The following SPMAP2L variants were observed in gnomAD, a reference collection of about 807,000 sequenced individuals.
SPMAP2L encodes the protein sperm microtubule associated protein 2-like.
the SPMAP2L span, chr4:56,593,304 G>A: frequency 8.5e-7 from 1 of 1,177,144 alleles, no homozygotes; most frequent in Non-Finnish European, 1.3e-6. Flanking sequence ...ACAAGAGGAG[G>A]AAATTTTTTG....
At chr4:56,578,490 G>A in the SPMAP2L span, among the ~76,000 whole-genome samples, 1 of 151,980 alleles carries the variant, frequency 6.6e-6, no homozygotes, top group South Asian at 2.1e-4. Flanking sequence ...TACCTTATCG[G>A]TAATTACATT....
At chr4:56,593,060 G>A in the SPMAP2L span, 1 of 1,585,644 alleles carries the variant, frequency 6.3e-7, no homozygotes, top group Non-Finnish European at 8.7e-7. Flanking sequence ...ATCCTATATT[G>A]GCATGGGCTA....
At chr4:56,589,501 T>G in the SPMAP2L span, among the ~76,000 whole-genome samples, 9 of 152,192 alleles carry the variant, frequency 5.9e-5, no homozygotes, top group African/African-American at 2.2e-4. Context: ...GGGATTGCAC[T>G]GAATTTGTAG....
chr4:56,618,836 G>A, the SPMAP2L span, among the ~76,000 whole-genome samples: 5,135 of 152,214 alleles, frequency 0.034, 244 homozygotes, highest in African/African-American at 0.11. Context: ...TGCCAGCCGG[G>A]GTGTTTGAAA....
the SPMAP2L span, among the ~76,000 whole-genome samples, chr4:56,624,359 G>A: frequency 6.6e-6 from 1 of 152,220 alleles, no homozygotes; most frequent in Admixed American, 6.5e-5. Context: ...CTATGATGCA[G>A]TAGAAAAGAA....
chr4:56,601,720 G>A, the SPMAP2L span, among the ~76,000 whole-genome samples: 2 of 150,968 alleles, frequency 1.3e-5, no homozygotes, highest in Admixed American at 6.6e-5. Flanking sequence ...GCTATGATCT[G>A]CACTCCAGCC....
chr4:56,536,645 G>A, the SPMAP2L span, among the ~76,000 whole-genome samples: 1 of 152,116 alleles, frequency 6.6e-6, no homozygotes, highest in Non-Finnish European at 1.5e-5. Context: ...CTTCTCTATC[G>A]TTAGCATTGT....
At chr4:56,566,145 C>G in the SPMAP2L span, among the ~76,000 whole-genome samples, 1 of 152,020 alleles carries the variant, frequency 6.6e-6, no homozygotes, top group African/African-American at 2.4e-5. Flanking sequence ...TCTGTTTATT[C>G]CATCTTTTTT....
chr4:56,625,679 T>G, the SPMAP2L span, among the ~76,000 whole-genome samples: 2 of 152,110 alleles, frequency 1.3e-5, no homozygotes, highest in Non-Finnish European at 2.9e-5. Context: ...ATGTAAGAAG[T>G]GCCTTTCACC....
the SPMAP2L span, among the ~76,000 whole-genome samples, chr4:56,588,694 GTGCTGGGATTACAGGCGT>G: frequency 6.6e-6 from 1 of 152,174 alleles, no homozygotes; most frequent in Non-Finnish European, 1.5e-5. Context: ...GCATCCCAAA[GTGCTGGGATTACAGGCGT>G]TAGCCACTGT....
chr4:56,611,080 A>G, the SPMAP2L span, among the ~76,000 whole-genome samples: 1 of 152,206 alleles, frequency 6.6e-6, no homozygotes, highest in African/African-American at 2.4e-5. Context: ...TGATCCAGCA[A>G]TCCCACTACT....
chr4:56,547,893 TCTGTTTTGGACATTTCAGGATTAC>T, the SPMAP2L span, among the ~76,000 whole-genome samples: 10 of 152,196 alleles, frequency 6.6e-5, no homozygotes, highest in Non-Finnish European at 1.5e-4. Context: ...AACCATTTCT[TCTGTTTTGGACATTTCAGGATTAC>T]CTAATTTCCC....
At chr4:56,555,663 G>A in the SPMAP2L span, among the ~76,000 whole-genome samples, 1 of 151,822 alleles carries the variant, frequency 6.6e-6, no homozygotes, top group Non-Finnish European at 1.5e-5. Context: ...TCCTCATATA[G>A]ATCTTTTATG....
At chr4:56,559,514 C>G in the SPMAP2L span, 2 of 1,513,390 alleles carry the variant, frequency 1.3e-6, no homozygotes, top group Non-Finnish European at 1.8e-6. Flanking sequence ...CACTATGTAC[C>G]TAACAGGTTA....
chr4:56,592,131 C>T, the SPMAP2L span, among the ~76,000 whole-genome samples: 1 of 152,160 alleles, frequency 6.6e-6, no homozygotes, highest in Non-Finnish European at 1.5e-5. Flanking sequence ...CTCATAGGAG[C>T]GTGAACCCTA....
the SPMAP2L span, among the ~76,000 whole-genome samples, chr4:56,585,013 A>C: frequency 6.6e-6 from 1 of 152,084 alleles, no homozygotes; most frequent in South Asian, 2.1e-4. Context: ...GGAGGGTCTA[A>C]CCTCTTCCGA....
the SPMAP2L span, among the ~76,000 whole-genome samples, chr4:56,586,855 G>A: frequency 6.8e-3 from 1,029 of 151,990 alleles, 13 homozygotes; most frequent in African/African-American, 0.023. Context: ...AGGGGGCAGC[G>A]ACACAAACCC....
chr4:56,542,742 C>T, the SPMAP2L span, among the ~76,000 whole-genome samples: 1 of 144,348 alleles, frequency 6.9e-6, no homozygotes, highest in African/African-American at 2.7e-5. Flanking sequence ...GAGTAAGGCG[C>T]ATCCTCTGGC....
chr4:56,624,882 C>T, the SPMAP2L span, among the ~76,000 whole-genome samples: 1 of 152,210 alleles, frequency 6.6e-6, no homozygotes, highest in Admixed American at 6.5e-5. Context: ...CACACAGAGT[C>T]CCTACTGGGG....
Sources: gnomAD v4.1 joint callset for allele counts (sites outside exome capture counted in the v4.1 genomes callset) on GRCh38, gnomAD v4.1.1 for gene constraint, MANE v1.5 for transcripts, NCBI Gene and HGNC (gene_info 2026-07-23, HGNC 2026-07-21) for gene names.